Variants in GLDC observed in about 807,000 individuals in gnomAD.
GLDC encodes glycine dehydrogenase (decarboxylating), mitochondrial.
A neutral mutation model predicts 121.3 loss-of-function variants in GLDC; 104 were observed. The observed-to-expected ratio is 0.86, with a 90% CI of 0.73 to 1.01. The LOEUF is 1.01. GLDC is among the 50% of genes least tolerant of loss of function. GLDC has a pLI of 0.00. For missense variants in GLDC, 1,429 were observed against 1,306.6 expected, an observed-to-expected ratio of 1.09 and a Z score of -1.44; for synonymous variants, 546 against 480.6, an observed-to-expected ratio of 1.14 and a Z score of -1.78.
chr9:6,607,203 C>G (rs530973364), intron 4 of GLDC, among the ~76,000 whole-genome samples: 1 of 152,228 alleles, frequency 6.6e-6, no homozygotes, highest in South Asian at 2.1e-4. Flanking sequence ...TATGTTTACT[C>G]AATAACAATT....
chr9:6,607,471 A>T (rs1251373831), intron 4 of GLDC, among the ~76,000 whole-genome samples: 1 of 151,700 alleles, frequency 6.6e-6, no homozygotes, highest in Admixed American at 6.6e-5. Flanking sequence ...TAATCCCACT[A>T]CTCGGGAGGA....
At chr9:6,638,466 C>T (rs1208351987) in intron 2 of GLDC, among the ~76,000 whole-genome samples, 3 of 151,988 alleles carry the variant, frequency 2.0e-5, no homozygotes, top group Non-Finnish European at 4.4e-5. Context: ...CCACCCGCCT[C>T]GCCCTCCCAA....
intron 21 of GLDC, among the ~76,000 whole-genome samples, chr9:6,543,527 T>G (rs535956911): frequency 6.6e-6 from 1 of 152,310 alleles, no homozygotes; most frequent in Admixed American, 6.5e-5. Flanking sequence ...GTCCCCACCA[T>G]AGCCAAGAGG....
intron 22 of GLDC, among the ~76,000 whole-genome samples, chr9:6,538,263 G>A (rs1359093107): frequency 6.6e-6 from 1 of 152,000 alleles, no homozygotes; most frequent in Admixed American, 6.6e-5. Flanking sequence ...CCTGCATCTG[G>A]GCCCTGATTC....
Position 6,645,612 on chromosome 9 carries a change from C to A in GLDC, c.-113G>T. 1 of 752,048 alleles carries A rather than the reference C, an allele frequency of 1.3e-6. No individual in the cohort carries two copies. The highest frequency in any genetic ancestry group is 1.8e-6 in the Non-Finnish European group (1 of 556,492). 46.6% of individuals were successfully genotyped at this position (752,048 alleles called of 1,614,324 possible). On this transcript the variant is annotated 5_prime_UTR_variant, in exon 1 of 25. Coordinates refer to ENST00000321612, the MANE Select transcript of GLDC (RefSeq NM_000170.3). ...TGCGCCCGGCCTGGAGCCCCTTTCGCTGGACAGTCGGCCGGACAGATGGAT... is the reference window on the plus strand; with the variant it reads ...TGCGCCCGGCCTGGAGCCCCTTTCGATGGACAGTCGGCCGGACAGATGGAT...
At chr9:6,587,732 G>C (rs1306786571) in intron 14 of GLDC, among the ~76,000 whole-genome samples, 1 of 152,008 alleles carries the variant, frequency 6.6e-6, no homozygotes, top group Non-Finnish European at 1.5e-5. Context: ...GGGAGGCTGA[G>C]GTGGGAGGAC....
Position 6,589,298 on chromosome 9 carries a change from G to C in GLDC, c.1483-6C>G, listed in dbSNP as rs1442788186. ...ATGCTTTCAGCAACCAGTTCCTGAA[G>C]GAGAAACACAGAGATGATAGGGCCA... On this transcript the variant is annotated splice_polypyrimidine_tract_variant and splice_region_variant and intron_variant, in intron 11 of 24. Coordinates refer to ENST00000321612, the MANE Select transcript of GLDC (RefSeq NM_000170.3). The C allele has an allele frequency of 6.4e-7, 1 of 1,569,458 alleles. No homozygotes were observed. Among genetic ancestry groups the C allele is most frequent in the Non-Finnish European group, 8.8e-7 (1 of 1,139,366 alleles).
At chr9:6,630,773 AG>A (rs952842239) in intron 2 of GLDC, among the ~76,000 whole-genome samples, 1 of 152,144 alleles carries the variant, frequency 6.6e-6, no homozygotes, top group African/African-American at 2.4e-5. Context: ...ATCTTTCTGA[AG>A]GGAAGTCAGA....
At chr9:6,605,732 G>T (rs1818717059) in intron 5 of GLDC, 1 of 259,226 alleles carries the variant, frequency 3.9e-6, no homozygotes, top group East Asian at 9.5e-5. Flanking sequence ...AGGGATGGTG[G>T]TATGGGTAGG....
intron 2 of GLDC, among the ~76,000 whole-genome samples, chr9:6,623,475 C>G (rs890354510): frequency 6.7e-6 from 1 of 150,282 alleles, no homozygotes; most frequent in Non-Finnish European, 1.5e-5. Flanking sequence ...GACACAAACA[C>G]TGCGGAAGGC....
intron 2 of GLDC, among the ~76,000 whole-genome samples, chr9:6,627,859 G>A (rs938382660): frequency 3.3e-5 from 5 of 152,144 alleles, no homozygotes; most frequent in Non-Finnish European, 4.4e-5. Context: ...TGTTTCAAAT[G>A]TTTGTTCACT....
intron 24 of GLDC, chr9:6,533,968 T>A (rs997263680): frequency 6.6e-6 from 1 of 151,926 alleles, no homozygotes; most frequent in Non-Finnish European, 1.5e-5. Context: ...ATCCCAGCAC[T>A]TTGGGAGGCC....
chr9:6,622,632 T>A (rs1029826170), intron 2 of GLDC, among the ~76,000 whole-genome samples: 2 of 152,134 alleles, frequency 1.3e-5, no homozygotes, highest in Admixed American at 6.5e-5. Context: ...CCTCCCAAAG[T>A]GCCGAGATGG....
intron 2 of GLDC, among the ~76,000 whole-genome samples, chr9:6,633,609 A>G (rs1819436125): frequency 6.6e-6 from 1 of 152,066 alleles, no homozygotes; most frequent in East Asian, 1.9e-4. Context: ...CTCTGGATCA[A>G]CCACCACGTC....
chr9:6,564,402 T>C (rs1439300629), intron 16 of GLDC, among the ~76,000 whole-genome samples: 1 of 152,154 alleles, frequency 6.6e-6, no homozygotes, highest in Non-Finnish European at 1.5e-5. Flanking sequence ...CAGCATTCTT[T>C]ATTGCAAATT....
intron 21 of GLDC, chr9:6,541,196 G>A (rs1160646005): frequency 1.3e-5 from 2 of 152,188 alleles, no homozygotes; most frequent in Admixed American, 1.3e-4. Context: ...CAGGCTGCCA[G>A]TAGCTCCCCA....
intron 3 of GLDC, among the ~76,000 whole-genome samples, chr9:6,619,300 C>G (rs1220667501): frequency 6.6e-6 from 1 of 151,924 alleles, no homozygotes; most frequent in Non-Finnish European, 1.5e-5. Flanking sequence ...CACATGTTCT[C>G]TTTCTCTAGA....
chr9:6,564,427 A>G lies in GLDC; in HGVS notation c.1926+927T>C, dbSNP rs998420067. On this transcript the variant is annotated intron_variant, in intron 16 of 24. Transcript: ENST00000321612. ...TATTGCAAATTCCAGGCAACTAGCC[A>G]TAAGTAACCTTCCAGTGGTAATAAA... Among the ~76,000 whole-genome samples the G allele has an allele frequency of 5.3e-5, 8 of 152,190 alleles. No individual in the cohort carries two copies. In the East Asian group the frequency reaches 1.2e-3, roughly 22 times the overall value.
chr9:6,643,059 G>A (rs533207596), intron 2 of GLDC, among the ~76,000 whole-genome samples: 2 of 151,782 alleles, frequency 1.3e-5, no homozygotes, highest in Non-Finnish European at 1.5e-5. Flanking sequence ...CACCACACCC[G>A]GCTAATTTTT....
Sources: allele counts gnomAD v4.1 joint callset (sites outside exome capture counted in the v4.1 genomes callset), GRCh38; gene constraint gnomAD v4.1.1; transcripts MANE v1.5; gene names NCBI Gene and HGNC (gene_info 2026-07-23, HGNC 2026-07-21).